NXPE2: variants seen among roughly 807,000 people sequenced by gnomAD.
NXPE2 encodes the protein NXPE family member 2.
NXPE2 carries 34 observed loss-of-function variants against 34.4 expected under a neutral mutation model. The ratio of observed to expected loss-of-function variants is 0.99; its 90% CI spans 0.75 to 1.31. NXPE2 has a LOEUF of 1.31. Ranked by LOEUF, NXPE2 falls within the 40% of genes most tolerant of loss-of-function variation. The pLI is 0.00. For synonymous variants in NXPE2, 235 were observed against 231.3 expected (o/e 1.02, Z -0.15); for missense variants, 649 against 672.5 (o/e 0.97, Z 0.39).
the NXPE2 span, among the ~76,000 whole-genome samples, chr11:114,753,722 T>C: frequency 0.015 from 2,313 of 152,314 alleles, 63 homozygotes; most frequent in African/African-American, 0.053. Flanking sequence ...ATTGGTGACA[T>C]AGTGTGCCAA....
intron 2 of NXPE2, among the ~76,000 whole-genome samples, chr11:114,688,455 T>G (rs139434221): frequency 6.6e-6 from 1 of 152,218 alleles, no homozygotes; most frequent in East Asian, 1.9e-4. Flanking sequence ...TGTGGCGAAT[T>G]AACTTTTGAT....
chr11:114,469,454 C>T, the NXPE2 span, among the ~76,000 whole-genome samples: 1 of 152,064 alleles, frequency 6.6e-6, no homozygotes. Flanking sequence ...GAAGTATAAT[C>T]AACATACAAT....
the NXPE2 span, among the ~76,000 whole-genome samples, chr11:114,773,398 G>A: frequency 6.6e-6 from 1 of 150,946 alleles, no homozygotes; most frequent in Non-Finnish European, 1.5e-5. Flanking sequence ...CCGCCCCTTT[G>A]CCCTTGACTC....
chr11:114,693,697 A>G (rs755904657), intron 2 of NXPE2, among the ~76,000 whole-genome samples: 4 of 152,252 alleles, frequency 2.6e-5, no homozygotes, highest in African/African-American at 7.2e-5. Context: ...TAATATTTAA[A>G]ATATCTAGGA....
At chr11:114,620,581 G>A in the NXPE2 span, among the ~76,000 whole-genome samples, 786 of 152,006 alleles carry the variant, frequency 5.2e-3, 3 homozygotes, top group African/African-American at 0.016. Context: ...TGGATAATAA[G>A]TGTTGCCTCT....
the NXPE2 span, among the ~76,000 whole-genome samples, chr11:114,513,721 G>GA: frequency 2.6e-5 from 4 of 151,932 alleles, no homozygotes; most frequent in Admixed American, 2.6e-4. Context: ...ATATGGCTAA[G>GA]AAAAAATTGT....
chr11:114,613,494 T>C, the NXPE2 span, among the ~76,000 whole-genome samples: 1 of 152,094 alleles, frequency 6.6e-6, no homozygotes, highest in African/African-American at 2.4e-5. Context: ...GGGTAACCAC[T>C]ATTACCCAGT....
the NXPE2 span, among the ~76,000 whole-genome samples, chr11:114,716,239 A>C: frequency 6.6e-6 from 1 of 152,142 alleles, no homozygotes; most frequent in Non-Finnish European, 1.5e-5. Flanking sequence ...TCTTTATGGA[A>C]GTTTCATCAG....
the NXPE2 span, among the ~76,000 whole-genome samples, chr11:114,525,187 C>T: frequency 3.1e-3 from 463 of 151,772 alleles, 3 homozygotes; most frequent in African/African-American, 0.011. Context: ...CTAAATGTTT[C>T]GAGAAACTGG....
the NXPE2 span, among the ~76,000 whole-genome samples, chr11:114,557,630 AATACATATAT>A: frequency 3.9e-5 from 3 of 77,014 alleles, no homozygotes; most frequent in Admixed American, 2.0e-4. Flanking sequence ...TATTATATAT[AATACATATAT>A]ATATATATAT....
chr11:114,770,452 CA>C, the NXPE2 span, among the ~76,000 whole-genome samples: 2 of 152,182 alleles, frequency 1.3e-5, no homozygotes, highest in East Asian at 3.9e-4. Context: ...GAGCTGCTAC[CA>C]GGTGTCCAGA....
chr11:114,594,465 A>G, the NXPE2 span, among the ~76,000 whole-genome samples: 1 of 152,216 alleles, frequency 6.6e-6, no homozygotes, highest in African/African-American at 2.4e-5. Flanking sequence ...ACAAAGAAAG[A>G]ATGTGTATGT....
chr11:114,663,305 C>T, the NXPE2 span, among the ~76,000 whole-genome samples: 49,279 of 152,026 alleles, frequency 0.32, 8,312 homozygotes, highest in East Asian at 0.41. Context: ...TCCATTGTAG[C>T]CTCAATGCTC....
chr11:114,714,902 A>C, the NXPE2 span, among the ~76,000 whole-genome samples: 1 of 152,234 alleles, frequency 6.6e-6, no homozygotes, highest in East Asian at 1.9e-4. Context: ...CACGCCTGTA[A>C]TCCCAGCTAC....
At chr11:114,709,025 A>G (rs1859562166), downstream of NXPE2, among the ~76,000 whole-genome samples, 1 of 152,218 alleles carries the variant, frequency 6.6e-6, no homozygotes, top group South Asian at 2.1e-4. Flanking sequence ...TTTAATTTAA[A>G]TGTGATCCAT....
At chr11:114,616,658 C>G in the NXPE2 span, among the ~76,000 whole-genome samples, 9 of 151,588 alleles carry the variant, frequency 5.9e-5, no homozygotes, top group Non-Finnish European at 2.9e-5. Context: ...TATTGGGTAA[C>G]CACTGTTACC....
the NXPE2 span, among the ~76,000 whole-genome samples, chr11:114,648,339 T>G: frequency 6.6e-6 from 1 of 152,232 alleles, no homozygotes; most frequent in African/African-American, 2.4e-5. Context: ...AATGTTTTGG[T>G]TCTACTCTGA....
the NXPE2 span, among the ~76,000 whole-genome samples, chr11:114,652,226 G>A: frequency 6.6e-6 from 1 of 152,198 alleles, no homozygotes; most frequent in African/African-American, 2.4e-5. Flanking sequence ...TGAGTTAGCA[G>A]GTGAATTTGG....
chr11:114,602,329 T>C, the NXPE2 span, among the ~76,000 whole-genome samples: 2 of 124,276 alleles, frequency 1.6e-5, no homozygotes, highest in Non-Finnish European at 1.6e-5. Flanking sequence ...TTATACTATA[T>C]ATATGTTATC....
Sources: gnomAD v4.1 joint callset for allele counts (sites outside exome capture counted in the v4.1 genomes callset) on GRCh38, gnomAD v4.1.1 for gene constraint, MANE v1.5 for transcripts, NCBI Gene and HGNC (gene_info 2026-07-23, HGNC 2026-07-21) for gene names.